BACE2: variants seen among roughly 807,000 people sequenced by gnomAD.
BACE2 encodes 56 kDa aspartic-like protease.
Under a neutral mutation model 46.2 loss-of-function variants are expected in BACE2, and 17 were observed. The ratio of observed to expected loss-of-function variants is 0.37; its 90% CI spans 0.25 to 0.55. BACE2 has a LOEUF of 0.55. Ranked by LOEUF, BACE2 falls within the 20% of genes least tolerant of loss-of-function variation. The pLI, the probability that BACE2 is intolerant of heterozygous loss-of-function variation, is 0.82. For synonymous variants in BACE2, 277 were observed against 295.9 expected (o/e 0.94, Z 0.66); for missense variants, 595 against 698.1 (o/e 0.85, Z 1.66).
At chr21:41,259,948 C>T (rs1266013838) in intron 8 of BACE2, among the ~76,000 whole-genome samples, 3 of 151,244 alleles carry the variant, frequency 2.0e-5, no homozygotes, top group South Asian at 2.1e-4. Context: ...CCTCTGACCT[C>T]AACCTCCTGA....
intron 1 of BACE2, chr21:41,178,068 G>A (rs1984925628): frequency 6.6e-6 from 1 of 152,224 alleles, no homozygotes; most frequent in African/African-American, 2.4e-5. Flanking sequence ...TGGAAGTGCT[G>A]CTCGGCATTC....
chr21:41,230,671 T>C (rs1040199229), intron 2 of BACE2, among the ~76,000 whole-genome samples: 1 of 152,198 alleles, frequency 6.6e-6, no homozygotes, highest in African/African-American at 2.4e-5. Flanking sequence ...CTGAAACATG[T>C]TACAGTAATT....
chr21:41,215,251 G>C (rs1375417275), intron 1 of BACE2, among the ~76,000 whole-genome samples: 1 of 152,150 alleles, frequency 6.6e-6, no homozygotes. Flanking sequence ...AGTGTGTTTT[G>C]GGTTTTGCCA....
intron 1 of BACE2, among the ~76,000 whole-genome samples, chr21:41,220,089 C>T (rs1244636884): frequency 2.0e-5 from 3 of 152,080 alleles, no homozygotes; most frequent in African/African-American, 7.2e-5. Flanking sequence ...GATTAATTTG[C>T]TAGATTTACT....
intron 1 of BACE2, chr21:41,181,665 T>G (rs1215031643): frequency 6.0e-6 from 1 of 166,946 alleles, no homozygotes; most frequent in Non-Finnish European, 1.5e-5. Context: ...ATTCCGATAA[T>G]AGTGGTCAGG....
At chr21:41,262,209 C>A (rs1003331659) in intron 8 of BACE2, among the ~76,000 whole-genome samples, 2 of 152,132 alleles carry the variant, frequency 1.3e-5, no homozygotes, top group Admixed American at 1.3e-4. Flanking sequence ...TCAGTTTTAT[C>A]TATTCCCTAA....
intron 8 of BACE2, among the ~76,000 whole-genome samples, chr21:41,259,181 CT>C (rs1211856726): frequency 6.6e-6 from 1 of 152,182 alleles, no homozygotes. Context: ...GGCAGGGCAA[CT>C]TTTTTTTCCC....
rs1987602551 is a variant in BACE2 at position 41,250,341 on chromosome 21, A to G, written c.985-411A>G. 2.0e-5 allele frequency among the ~76,000 whole-genome samples: 3 copies of G among 152,308 alleles called. No individual in the cohort carries two copies. The South Asian group carries it at 6.2e-4, about 32-fold the overall frequency. ...TTCAGAGGGCAAGTGATAAGCAGAAAGTCCTTGGGGGCCACAATTAGGATT... is the reference window on the plus strand; with the variant it reads ...TTCAGAGGGCAAGTGATAAGCAGAAGGTCCTTGGGGGCCACAATTAGGATT... On this transcript the variant is annotated intron_variant, in intron 6 of 8. Coordinates refer to ENST00000330333, the MANE Select transcript of BACE2 (RefSeq NM_012105.5).
At chr21:41,208,407 A>G (rs1262015335) in intron 1 of BACE2, among the ~76,000 whole-genome samples, 1 of 152,198 alleles carries the variant, frequency 6.6e-6, no homozygotes, top group East Asian at 1.9e-4. Flanking sequence ...TATCAGCAGG[A>G]AAGTCCATCC....
chr21:41,270,331 G>C (rs1280840527), intron 8 of BACE2, among the ~76,000 whole-genome samples: 1 of 152,108 alleles, frequency 6.6e-6, no homozygotes, highest in Non-Finnish European at 1.5e-5. Flanking sequence ...ACTTAATTTT[G>C]ATAAAATCCA....
intron 1 of BACE2, among the ~76,000 whole-genome samples, chr21:41,195,924 A>G (rs1014121720): frequency 1.3e-5 from 2 of 152,208 alleles, no homozygotes; most frequent in African/African-American, 4.8e-5. Context: ...ATTCCATCAT[A>G]TAATTTCTAT....
At chr21:41,207,600 TTC>T (rs1455632436) in intron 1 of BACE2, among the ~76,000 whole-genome samples, 1 of 151,978 alleles carries the variant, frequency 6.6e-6, no homozygotes, top group Admixed American at 6.6e-5. Flanking sequence ...GCACTCCTTG[TTC>T]TCTCTCTCTG....
At chr21:41,170,444 T>C (rs1984565751) in intron 1 of BACE2, among the ~76,000 whole-genome samples, 1 of 152,190 alleles carries the variant, frequency 6.6e-6, no homozygotes, top group South Asian at 2.1e-4. Flanking sequence ...TTACATGTGA[T>C]GGGGAATGAA....
At chr21:41,266,862 T>C (rs1004872824) in intron 8 of BACE2, among the ~76,000 whole-genome samples, 1 of 152,214 alleles carries the variant, frequency 6.6e-6, no homozygotes, top group Non-Finnish European at 1.5e-5. Flanking sequence ...TTCCTCTTTG[T>C]TGCAGCAGGA....
chr21:41,244,639 T>G (rs1383479035), intron 5 of BACE2, among the ~76,000 whole-genome samples: 1 of 151,976 alleles, frequency 6.6e-6, no homozygotes, highest in Non-Finnish European at 1.5e-5. Flanking sequence ...CTTCACTTGC[T>G]TCAGGCCATC....
chr21:41,221,114 CA>C (rs1356950227), intron 1 of BACE2, among the ~76,000 whole-genome samples: 1 of 151,702 alleles, frequency 6.6e-6, no homozygotes, highest in South Asian at 2.1e-4. Flanking sequence ...CTTCATCCCC[CA>C]AATCTGTTTC....
At chr21:41,205,946 C>T (rs1986109335) in intron 1 of BACE2, among the ~76,000 whole-genome samples, 1 of 152,068 alleles carries the variant, frequency 6.6e-6, no homozygotes, top group Admixed American at 6.5e-5. Flanking sequence ...CCCCAAAGAA[C>T]TGAAAGCAGG....
chr21:41,185,972 C>T (rs966366811), intron 1 of BACE2, among the ~76,000 whole-genome samples: 2 of 152,334 alleles, frequency 1.3e-5, no homozygotes, highest in South Asian at 4.1e-4. Context: ...ACAAGACATA[C>T]ATGTTAGGAC....
chr21:41,175,610 A>AC (rs1984799095), intron 1 of BACE2: 1 of 152,590 alleles, frequency 6.6e-6, no homozygotes, highest in Admixed American at 6.5e-5. Flanking sequence ...AGCTGTGCAA[A>AC]CCCCCACCAG....
Sources: gnomAD v4.1 joint callset for allele counts (sites outside exome capture counted in the v4.1 genomes callset) on GRCh38, gnomAD v4.1.1 for gene constraint, MANE v1.5 for transcripts, NCBI Gene and HGNC (gene_info 2026-07-23, HGNC 2026-07-21) for gene names.